The following IQCJ variants were observed in gnomAD, a reference collection of about 807,000 sequenced individuals.
The protein encoded by IQCJ is IQ motif containing J, also known as IQ domain-containing protein J.
In IQCJ, 9 loss-of-function variants were observed where a neutral mutation model predicts 11.0. The observed-to-expected ratio is 0.82, with a 90% CI of 0.49 to 1.43. The LOEUF (loss-of-function observed/expected upper bound fraction) is 1.43, where lower values mean the gene tolerates loss of function less well. Among genes scored for constraint, IQCJ ranks in the 40% most tolerant of loss-of-function variants. The pLI, the probability that IQCJ is intolerant of heterozygous loss-of-function variation, is 0.00. For synonymous variants in IQCJ, 55 were observed against 51.3 expected, an observed-to-expected ratio of 1.07 and a Z score of -0.31; for missense variants, 146 against 133.2, an observed-to-expected ratio of 1.10 and a Z score of -0.47.
chr3:159,157,342 T>C (rs1721579269), intron 1 of IQCJ, among the ~76,000 whole-genome samples: 1 of 152,196 alleles, frequency 6.6e-6, no homozygotes, highest in African/African-American at 2.4e-5. Flanking sequence ...AATAAATGTA[T>C]TTATAAGTGG....
intron 1 of IQCJ, among the ~76,000 whole-genome samples, chr3:159,142,563 C>T (rs545892002): frequency 7.9e-5 from 12 of 152,142 alleles, no homozygotes; most frequent in African/African-American, 2.9e-4. Flanking sequence ...ATTACAGGCA[C>T]CTGCCACCAT....
intron 2 of IQCJ, among the ~76,000 whole-genome samples, chr3:159,249,092 G>A (rs893372394): frequency 6.6e-6 from 1 of 152,072 alleles, no homozygotes; most frequent in Non-Finnish European, 1.5e-5. Context: ...CTGACCTCAG[G>A]TAATCCACCC....
intron 1 of IQCJ, among the ~76,000 whole-genome samples, chr3:159,244,892 G>A (rs1178086008): frequency 6.6e-6 from 1 of 152,116 alleles, no homozygotes; most frequent in African/African-American, 2.4e-5. Context: ...AATTTCTGGT[G>A]GGGGGTAAGT....
At chr3:159,227,900 A>C (rs1577095320) in intron 1 of IQCJ, among the ~76,000 whole-genome samples, 1 of 152,088 alleles carries the variant, frequency 6.6e-6, no homozygotes, top group African/African-American at 2.4e-5. Context: ...TTGAAGAGAT[A>C]GGGGTAAAGA....
At chr3:159,256,804 G>A (rs1216063095) in intron 3 of IQCJ, among the ~76,000 whole-genome samples, 1 of 152,144 alleles carries the variant, frequency 6.6e-6, no homozygotes, top group Non-Finnish European at 1.5e-5. Context: ...ATTTGCACAG[G>A]TGACTTCAAA....
intron 1 of IQCJ, among the ~76,000 whole-genome samples, chr3:159,102,640 A>C (rs1334041757): frequency 6.6e-6 from 1 of 152,228 alleles, no homozygotes; most frequent in East Asian, 1.9e-4. Flanking sequence ...ATTGGCACTA[A>C]TGGCTTTGAA....
At chr3:159,127,335 A>G (rs1026169323) in intron 1 of IQCJ, among the ~76,000 whole-genome samples, 1 of 152,136 alleles carries the variant, frequency 6.6e-6, no homozygotes, top group Non-Finnish European at 1.5e-5. Context: ...GGCTCCACTG[A>G]CCAGCTGTGG....
intron 1 of IQCJ, 30 bp from the exon 2 acceptor site, chr3:159,245,813 T>C: frequency 6.6e-7 from 1 of 1,519,944 alleles, no homozygotes; most frequent in East Asian, 2.4e-5. Context: ...CTGGTGACAA[T>C]TTGTAAGATA....
intron 1 of IQCJ, among the ~76,000 whole-genome samples, chr3:159,094,173 G>A (rs1717548155): frequency 6.6e-6 from 1 of 151,688 alleles, no homozygotes; most frequent in Admixed American, 6.6e-5. Context: ...CACAATAATG[G>A]ATTGAGAAGC....
chr3:159,125,887 G>A (rs547295436), intron 1 of IQCJ, among the ~76,000 whole-genome samples: 44 of 152,288 alleles, frequency 2.9e-4, no homozygotes, highest in South Asian at 1.2e-3. Flanking sequence ...TGTGGGATCC[G>A]TATTCCAACC....
intron 1 of IQCJ, among the ~76,000 whole-genome samples, chr3:159,190,758 A>G (rs1723639198): frequency 6.6e-6 from 1 of 152,178 alleles, no homozygotes; most frequent in Non-Finnish European, 1.5e-5. Flanking sequence ...GAACTTTTCC[A>G]TGCCTCATTT....
intron 1 of IQCJ, among the ~76,000 whole-genome samples, chr3:159,188,838 G>A (rs148194485): frequency 2.4e-4 from 36 of 152,132 alleles, no homozygotes; most frequent in African/African-American, 8.2e-4. Context: ...GAAATTATTC[G>A]TTGAATAATA....
chr3:159,264,149 TG>T (rs1174708197), downstream of IQCJ, among the ~76,000 whole-genome samples: 2 of 152,258 alleles, frequency 1.3e-5, no homozygotes, highest in Non-Finnish European at 2.9e-5. Context: ...TTACTTTTTT[TG>T]TACCTTCTCA....
rs747865637 is a variant in IQCJ at position 159,263,686 on chromosome 3, C to T, written c.*955C>T. 2.9e-4 allele frequency: 286 copies of T among 985,306 alleles called. 1 individual carries two copies. In the Middle Eastern group the frequency reaches 4.2e-3, roughly 14 times the overall value. 61.0% of individuals were successfully genotyped at this position (985,306 alleles called of 1,614,324 possible). ...CAACGCAATGTATTCTTTTTGGGAT[C>T]AGGTAAAAGTTACTGTATTTGAAAT... On this transcript the variant is annotated 3_prime_UTR_variant, in exon 4 of 4. Coordinates refer to ENST00000397832, the MANE Select transcript of IQCJ (RefSeq NM_001042706.3).
chr3:159,132,746 A>G (rs1049990694), intron 1 of IQCJ, among the ~76,000 whole-genome samples: 3 of 152,210 alleles, frequency 2.0e-5, no homozygotes, highest in Non-Finnish European at 2.9e-5. Context: ...TAATGAATTC[A>G]AAAGCATAAT....
At chr3:159,127,683 A>G (rs1195490533) in intron 1 of IQCJ, among the ~76,000 whole-genome samples, 2 of 152,226 alleles carry the variant, frequency 1.3e-5, no homozygotes, top group African/African-American at 4.8e-5. Context: ...AAGAAGTGGC[A>G]ATTAGAGAAT....
chr3:159,170,649 T>C (rs1350275973), intron 1 of IQCJ, among the ~76,000 whole-genome samples: 1 of 152,164 alleles, frequency 6.6e-6, no homozygotes, highest in Admixed American at 6.5e-5. Flanking sequence ...CACCCTTTTT[T>C]TTTTTTTCTT....
intron 1 of IQCJ, among the ~76,000 whole-genome samples, chr3:159,212,718 A>G (rs1253294937): frequency 1.3e-5 from 2 of 152,222 alleles, no homozygotes; most frequent in Non-Finnish European, 2.9e-5. Context: ...TATGGATTAA[A>G]TGGATGAATG....
At chr3:159,122,507 C>T (rs1460019547) in intron 1 of IQCJ, among the ~76,000 whole-genome samples, 3 of 152,154 alleles carry the variant, frequency 2.0e-5, no homozygotes, top group East Asian at 3.9e-4. Flanking sequence ...TGCTGGGAAA[C>T]TCAGAGCCAA....
Sources: allele counts gnomAD v4.1 joint callset (sites outside exome capture counted in the v4.1 genomes callset), GRCh38; gene constraint gnomAD v4.1.1; transcripts MANE v1.5; gene names NCBI Gene and HGNC (gene_info 2026-07-23, HGNC 2026-07-21).